LMNB1: variants seen among roughly 807,000 people sequenced by gnomAD.
The protein encoded by LMNB1 is lamin-B1.
A neutral mutation model predicts 67.1 loss-of-function variants in LMNB1; 23 were observed. That is an observed-to-expected ratio of 0.34 (90% confidence interval 0.25 to 0.49). LMNB1 has a LOEUF of 0.49. Among genes scored for constraint, LMNB1 ranks in the 20% least tolerant of loss-of-function variants. The pLI is 0.99. For synonymous variants in LMNB1, 281 were observed against 282.9 expected, an observed-to-expected ratio of 0.99 and a Z score of 0.07; for missense variants, 634 against 746.5, an observed-to-expected ratio of 0.85 and a Z score of 1.76.
chr5:126,777,434 C>T lies in LMNB1; in HGVS notation c.-75C>T, dbSNP rs1052800099. Reference sequence around the variant, plus strand: ...CGCCGGTTTGTGCCTTCGGTCCCCGCTTCGCCCCCTGCCGTCCCCTCCTTA... The same window carrying T: ...CGCCGGTTTGTGCCTTCGGTCCCCGTTTCGCCCCCTGCCGTCCCCTCCTTA... On this transcript the variant is annotated 5_prime_UTR_variant, in exon 1 of 11. Coordinates refer to ENST00000261366, the MANE Select transcript of LMNB1 (RefSeq NM_005573.4). 7 of 1,257,204 alleles carry T rather than the reference C, an allele frequency of 5.6e-6. No homozygotes were observed. In the Admixed American group the frequency reaches 2.6e-4, roughly 46 times the overall value. The allele number at this position is 1,257,204 out of a possible 1,614,324, so 77.9% of individuals were successfully genotyped here.
At chr5:126,788,971 C>T (rs1011208881) in intron 1 of LMNB1, among the ~76,000 whole-genome samples, 4 of 150,880 alleles carry the variant, frequency 2.7e-5, no homozygotes, top group Non-Finnish European at 5.9e-5. Context: ...GCATGGTTCA[C>T]TATAACCTGG....
chr5:126,825,802 T>C (rs1427535706), intron 8 of LMNB1, among the ~76,000 whole-genome samples, 186 bp from the exon 9 acceptor site: 3 of 152,134 alleles, frequency 2.0e-5, no homozygotes, highest in Admixed American at 1.3e-4. Flanking sequence ...ACTTATCAGA[T>C]GGGGAAGCTG....
Position 126,800,951 on chromosome 5 carries a change from CTATATATATATATA to C in LMNB1, c.360-3808_360-3795del, listed in dbSNP as rs57113826. The stretch of plus-strand genomic sequence containing the variant: ...ACAAGTGTGAGCCATTGCAGCCAGA[CTATATATATATATA>C]TATATATATATATATAATTTTTTTT... On this transcript the variant is annotated intron_variant, in intron 1 of 10. Transcript: ENST00000261366. Among the ~76,000 whole-genome samples the C allele has an allele frequency of 1.0e-3, 49 of 47,298 alleles. 1 individual carries two copies. The highest frequency in any genetic ancestry group is 2.8e-3 in the African/African-American group (42 of 14,796). The allele number at this position is 47,298 out of a possible 152,430, so 31.0% of individuals were successfully genotyped here.
intron 1 of LMNB1, among the ~76,000 whole-genome samples, chr5:126,799,176 G>A (rs956739995): frequency 5.9e-5 from 9 of 151,992 alleles, no homozygotes; most frequent in African/African-American, 2.2e-4. Context: ...CCGCCACCTC[G>A]CCCGGCTAAT....
At chr5:126,825,036 C>T (rs1049217238) in intron 8 of LMNB1, among the ~76,000 whole-genome samples, 2 of 152,136 alleles carry the variant, frequency 1.3e-5, no homozygotes, top group Admixed American at 6.6e-5. Context: ...TTTCCTTTTG[C>T]AGTCATAAAG....
rs748373896 is a variant in LMNB1, at chr5:126,805,643, C to T, written c.589C>T (p.Arg197Cys). ...ETLLKVDLEN[R>C]CQSLTEDLEF... The stretch of plus-strand genomic sequence containing the variant: ...TTTACTTAAAGTAGATTTGGAGAAT[C>T]GTTGTCAGAGCCTTACTGAGGACTT... Residue 197 changes from arginine (R) to cysteine (C), a missense_variant, in exon 3 of 11, where the codon CGT (arginine) becomes TGT (cysteine). Transcript: ENST00000261366. The T allele has an allele frequency of 4.3e-6, 7 of 1,612,530 alleles. No homozygotes were observed. The African/African-American group carries it at 5.3e-5, about 12-fold the overall frequency.
At chr5:126,805,725 G>A in intron 3 of LMNB1, 29 bp downstream of exon 3, 1 of 1,525,950 alleles carries the variant, frequency 6.6e-7, no homozygotes, top group Non-Finnish European at 8.9e-7. Flanking sequence ...GCTTTGTAAA[G>A]GAATGGAGGG....
chr5:126,828,987 C>T (rs898950744), intron 9 of LMNB1, among the ~76,000 whole-genome samples: 1 of 151,998 alleles, frequency 6.6e-6, no homozygotes, highest in Non-Finnish European at 1.5e-5. Context: ...TAGACAGTTA[C>T]TTTTGGCATT....
chr5:126,799,020 C>CTT (rs201572633), intron 1 of LMNB1, among the ~76,000 whole-genome samples: 1,460 of 134,950 alleles, frequency 0.011, 16 homozygotes, highest in Non-Finnish European at 0.013. Flanking sequence ...GATGCATTGA[C>CTT]TTTTTTTTTT....
At chr5:126,800,606 TGGGGCTTGATGGGACACTGGACCCTACA>T (rs1751246079) in intron 1 of LMNB1, among the ~76,000 whole-genome samples, 1 of 146,028 alleles carries the variant, frequency 6.8e-6, no homozygotes, top group Non-Finnish European at 1.5e-5. Flanking sequence ...ACTGTTGGGA[TGGGGCTTGATGGGACACTGGACCCTACA>T]CTGTATCTTC....
intron 1 of LMNB1, among the ~76,000 whole-genome samples, chr5:126,787,542 A>ATTTTTTTTTTTTTTTTT (rs1561735766): frequency 2.9e-5 from 2 of 68,274 alleles, no homozygotes; most frequent in African/African-American, 1.1e-4. Context: ...ATATATATAT[A>ATTTTTTTTTTTTTTTTT]TATATTTTTT....
intron 1 of LMNB1, among the ~76,000 whole-genome samples, chr5:126,784,481 G>A (rs1157818935): frequency 1.9e-4 from 28 of 147,266 alleles, no homozygotes; most frequent in African/African-American, 5.6e-4. Context: ...TCAGCCTCCG[G>A]AGTAGCTGGG....
At chr5:126,814,383 T>A (rs1167589420) in intron 5 of LMNB1, among the ~76,000 whole-genome samples, 1 of 152,244 alleles carries the variant, frequency 6.6e-6, no homozygotes, top group African/African-American at 2.4e-5. Flanking sequence ...TTGATTTACT[T>A]AGTACAGATC....
intron 1 of LMNB1, among the ~76,000 whole-genome samples, chr5:126,787,454 A>ACTT (rs1402541797): frequency 1.4e-5 from 2 of 147,990 alleles, no homozygotes; most frequent in South Asian, 2.1e-4. Flanking sequence ...TATGTTATAT[A>ACTT]TAACATATAC....
chr5:126,804,610 C>T (rs1023271661), intron 1 of LMNB1, among the ~76,000 whole-genome samples, 166 bp from the exon 2 acceptor site: 1 of 152,062 alleles, frequency 6.6e-6, no homozygotes, highest in African/African-American at 2.4e-5. Context: ...GAATGTTAGC[C>T]AACAAAAACT....
chr5:126,830,021 T>TG (rs146811432), intron 9 of LMNB1, among the ~76,000 whole-genome samples: 1 of 152,224 alleles, frequency 6.6e-6, no homozygotes, highest in Non-Finnish European at 1.5e-5. Context: ...ATGGAAACTT[T>TG]TGTATATGCA....
At chr5:126,810,666 C>T (rs1053525409) in intron 4 of LMNB1, among the ~76,000 whole-genome samples, 2 of 152,172 alleles carry the variant, frequency 1.3e-5, no homozygotes, top group African/African-American at 4.8e-5. Context: ...CTTCCAATAA[C>T]AAGTACTGAT....
chr5:126,827,386 G>A (rs745437904), intron 9 of LMNB1, among the ~76,000 whole-genome samples: 20 of 152,184 alleles, frequency 1.3e-4, no homozygotes, highest in African/African-American at 2.9e-4. Flanking sequence ...CAGGCCCAGC[G>A]CAGTGGCTCA....
chr5:126,785,119 A>G (rs111276429), intron 1 of LMNB1, among the ~76,000 whole-genome samples: 7 of 149,696 alleles, frequency 4.7e-5, no homozygotes, highest in Non-Finnish European at 8.9e-5. Flanking sequence ...ATCTGGGATT[A>G]CAGGCACCCG....
Sources: allele counts gnomAD v4.1 joint callset (sites outside exome capture counted in the v4.1 genomes callset), GRCh38; gene constraint gnomAD v4.1.1; transcripts MANE v1.5; gene names NCBI Gene and HGNC (gene_info 2026-07-23, HGNC 2026-07-21).